The following CALD1 variants were observed in gnomAD, a reference collection of about 807,000 sequenced individuals.
CALD1 encodes caldesmon 1.
In CALD1, 33 loss-of-function variants were observed where a neutral mutation model predicts 99.9. The observed-to-expected ratio is 0.33, with a 90% confidence interval of 0.25 to 0.44. The LOEUF (loss-of-function observed/expected upper bound fraction) is 0.44, where lower values mean the gene tolerates loss of function less well. Ranked by LOEUF, CALD1 falls within the 20% of genes least tolerant of loss-of-function variation. The pLI is 1.00. For synonymous variants in CALD1, 310 were observed against 325.0 expected (o/e 0.95, Z 0.50); for missense variants, 861 against 962.1 (o/e 0.89, Z 1.39).
the CALD1 span, among the ~76,000 whole-genome samples, chr7:134,738,898 A>T: frequency 3.9e-5 from 6 of 152,234 alleles, no homozygotes; most frequent in Non-Finnish European, 7.3e-5. Context: ...TGTGTCCACT[A>T]ATCATTTTGG....
intron 3 of CALD1, among the ~76,000 whole-genome samples, chr7:134,881,841 C>T (rs1445526796): frequency 6.6e-6 from 1 of 152,106 alleles, no homozygotes; most frequent in Non-Finnish European, 1.5e-5. Context: ...AGAACCAAAG[C>T]CATTTTATTT....
At chr7:134,876,027 G>A (rs1472689266) in intron 3 of CALD1, among the ~76,000 whole-genome samples, 3 of 152,176 alleles carry the variant, frequency 2.0e-5, no homozygotes, top group Admixed American at 2.0e-4. Context: ...GGCTGTCTCT[G>A]ACCTTATGAA....
At chr7:134,784,108 G>C (rs915100577) in intron 1 of CALD1, among the ~76,000 whole-genome samples, 1 of 152,166 alleles carries the variant, frequency 6.6e-6, no homozygotes, top group Non-Finnish European at 1.5e-5. Flanking sequence ...TTAGTACATG[G>C]CTTTTCTTTG....
rs781034883 is a variant in CALD1 at position 134,873,554 on chromosome 7, G to A, written c.71+5750G>A. Among the ~76,000 whole-genome samples the A allele has an allele frequency of 4.8e-4, 73 of 152,166 alleles. 1 individual carries two copies. Among genetic ancestry groups the A allele is most frequent in the Non-Finnish European group, 8.8e-4 (60 of 68,034 alleles). On this transcript the variant is annotated intron_variant, in intron 3 of 14. Transcript: ENST00000361675. ...TATGTGTGTCTAGTAAAGACGGACC[G>A]CCGCCGGCCCCAGAATTAGCTATGT...
chr7:134,873,481 A>C (rs958153324), intron 3 of CALD1, among the ~76,000 whole-genome samples: 1 of 152,192 alleles, frequency 6.6e-6, no homozygotes, highest in Non-Finnish European at 1.5e-5. Flanking sequence ...GGAGAGAGAA[A>C]CCCAGTTCTC....
intron 3 of CALD1, among the ~76,000 whole-genome samples, chr7:134,923,949 T>C (rs1414227956): frequency 1.3e-5 from 2 of 152,228 alleles, no homozygotes; most frequent in Admixed American, 6.5e-5. Flanking sequence ...TTAGCAGCAT[T>C]GTTTATAAGA....
In CALD1 at chr7:134,789,107, T is replaced by G. The variant is rs1327473041; in HGVS notation, c.-130+9358T>G. Among the ~76,000 whole-genome samples, 10 of 151,690 alleles carry G rather than the reference T, an allele frequency of 6.6e-5. No individual in the cohort carries two copies. The South Asian group carries it at 1.9e-3, about 29-fold the overall frequency. ...AGCCAGTGTTCATGTTGGAGCTCAT[T>G]GATTCCTCATGAATTGTATCATTGT... On this transcript the variant is annotated intron_variant, in intron 1 of 14. Coordinates refer to ENST00000361675, the MANE Select transcript of CALD1 (RefSeq NM_033138.4).
chr7:134,728,062 A>C, the CALD1 span, among the ~76,000 whole-genome samples: 1 of 152,206 alleles, frequency 6.6e-6, no homozygotes, highest in African/African-American at 2.4e-5. Flanking sequence ...ATTAAATGCC[A>C]ACTGATTTTC....
At chr7:134,738,605 GAA>G in the CALD1 span, among the ~76,000 whole-genome samples, 1 of 152,136 alleles carries the variant, frequency 6.6e-6, no homozygotes, top group Non-Finnish European at 1.5e-5. Context: ...GTTCGCTGTT[GAA>G]AATTCTTATT....
the CALD1 span, among the ~76,000 whole-genome samples, chr7:134,715,990 G>C: frequency 3.4e-3 from 517 of 152,006 alleles, 7 homozygotes; most frequent in African/African-American, 0.011. Context: ...TAAGTTTTAG[G>C]GTACATGTGC....
chr7:134,934,210 CA>C, intron 5 of CALD1, 133 bp downstream of exon 5: 1 of 1,354,676 alleles, frequency 7.4e-7, no homozygotes. Context: ...TTCATTTTTT[CA>C]GGCCATAGCG....
upstream of CALD1, among the ~76,000 whole-genome samples, chr7:134,775,507 C>G (rs552491357): frequency 1.3e-5 from 2 of 152,194 alleles, no homozygotes; most frequent in South Asian, 2.1e-4. Context: ...GTCAGGAGAT[C>G]GAGACCATCC....
At chr7:134,798,268 A>G (rs557388367) in intron 1 of CALD1, among the ~76,000 whole-genome samples, 28 of 152,290 alleles carry the variant, frequency 1.8e-4, no homozygotes, top group African/African-American at 6.3e-4. Context: ...AGGACTTTCC[A>G]CCTGTAATAC....
At chr7:134,946,264 A>G in intron 7 of CALD1, among the ~76,000 whole-genome samples, 1 of 152,168 alleles carries the variant, frequency 6.6e-6, no homozygotes, top group East Asian at 1.9e-4. Context: ...GGTAAATAGA[A>G]TAAATAGTAT....
At chr7:134,861,932 AC>A (rs1441911284) in intron 2 of CALD1, among the ~76,000 whole-genome samples, 1 of 152,146 alleles carries the variant, frequency 6.6e-6, no homozygotes, top group Non-Finnish European at 1.5e-5. Flanking sequence ...AAGAGAAGAA[AC>A]TAAGATATTG....
At chr7:134,897,906 G>A (rs1399230196) in intron 3 of CALD1, among the ~76,000 whole-genome samples, 2 of 151,782 alleles carry the variant, frequency 1.3e-5, no homozygotes, top group Admixed American at 6.6e-5. Flanking sequence ...ATGGGGTCTC[G>A]CTGTATTGCC....
chr7:134,960,216 G>A (rs79454999), intron 12 of CALD1, 105 bp downstream of exon 12: 10 of 1,325,010 alleles, frequency 7.5e-6, no homozygotes, highest in Non-Finnish European at 9.6e-6. Context: ...AGTGAAGAAG[G>A]TGCAATTTGT....
At chr7:134,897,763 G>A (rs1802687752) in intron 3 of CALD1, among the ~76,000 whole-genome samples, 1 of 152,110 alleles carries the variant, frequency 6.6e-6, no homozygotes, top group Non-Finnish European at 1.5e-5. Flanking sequence ...CTGGAGTGCA[G>A]TGGCACAACC....
chr7:134,901,426 G>A (rs1473123659), intron 3 of CALD1, among the ~76,000 whole-genome samples: 1 of 152,042 alleles, frequency 6.6e-6, no homozygotes, highest in Non-Finnish European at 1.5e-5. Flanking sequence ...CTCAAGGGGT[G>A]GGAATGGGGG....
Sources: gnomAD v4.1 joint callset for allele counts (sites outside exome capture counted in the v4.1 genomes callset) on GRCh38, gnomAD v4.1.1 for gene constraint, MANE v1.5 for transcripts, NCBI Gene and HGNC (gene_info 2026-07-23, HGNC 2026-07-21) for gene names.